MAP2K4: variants seen among roughly 807,000 people sequenced by gnomAD.
MAP2K4 encodes the protein dual specificity mitogen-activated protein kinase kinase 4.
Under a neutral mutation model 48.5 loss-of-function variants are expected in MAP2K4, and 4 were observed. That is an observed-to-expected ratio of 0.08 (90% CI 0.04 to 0.19). The LOEUF (loss-of-function observed/expected upper bound fraction) is 0.19, where lower values mean the gene tolerates loss of function less well. Among genes scored for constraint, MAP2K4 ranks in the 10% least tolerant of loss-of-function variants. MAP2K4 has a pLI of 1.00. For synonymous variants in MAP2K4, 166 were observed against 173.1 expected, an observed-to-expected ratio of 0.96 and a Z score of 0.32; for missense variants, 258 against 493.3, an observed-to-expected ratio of 0.52 and a Z score of 4.52.
chr17:12,084,403 C>T (rs1434246021), intron 3 of MAP2K4, among the ~76,000 whole-genome samples: 4 of 152,070 alleles, frequency 2.6e-5, no homozygotes, highest in African/African-American at 7.2e-5. Context: ...GTCTTGCTCT[C>T]CTGTGAGTGG....
At chr17:12,052,121 A>G (rs1410744568) in intron 1 of MAP2K4, among the ~76,000 whole-genome samples, 1 of 152,226 alleles carries the variant, frequency 6.6e-6, no homozygotes, top group African/African-American at 2.4e-5. Flanking sequence ...GATGAGACCC[A>G]GCAAGGTAAC....
At chr17:12,076,857 T>TTGTGTGTG (rs57224781) in intron 2 of MAP2K4, among the ~76,000 whole-genome samples, 4 of 150,822 alleles carry the variant, frequency 2.7e-5, no homozygotes, top group Admixed American at 6.6e-5. Context: ...TGTTTGTATT[T>TTGTGTGTG]TGTGTGTGTG....
chr17:12,061,746 C>T (rs1038253866), intron 2 of MAP2K4, among the ~76,000 whole-genome samples: 2 of 152,124 alleles, frequency 1.3e-5, no homozygotes, highest in Non-Finnish European at 2.9e-5. Flanking sequence ...GATGAGTTTT[C>T]CAACCATTTC....
At chr17:12,136,467 A>G (rs781281573) in intron 9 of MAP2K4, among the ~76,000 whole-genome samples, 2 of 152,240 alleles carry the variant, frequency 1.3e-5, no homozygotes, top group East Asian at 3.8e-4. Flanking sequence ...AGCTCTCCCA[A>G]TAAAACTTTT....
chr17:12,126,047 T>C (rs1484050531), intron 8 of MAP2K4, among the ~76,000 whole-genome samples: 2 of 152,052 alleles, frequency 1.3e-5, no homozygotes, highest in African/African-American at 4.8e-5. Flanking sequence ...CCAGGTCTCA[T>C]GAGAACTCTA....
At position 12,020,932 on chromosome 17, in the gene MAP2K4, A is replaced by G. The variant is rs17855590; in HGVS notation, c.46A>G (p.Ser16Gly). 2 of 1,143,934 alleles carry G rather than the reference A, an allele frequency of 1.7e-6. No homozygotes were observed. Among genetic ancestry groups the G allele is most frequent in the Non-Finnish European group, 2.1e-6 (2 of 935,586 alleles). The allele number at this position is 1,143,934 out of a possible 1,614,324, so 70.9% of individuals were successfully genotyped here. ...CGGCGGCGGCGGCTCCGGGGGCGGC[A>G]GCGGCAGCGGCACCCCCGGCCCCGT... is the stretch of plus-strand genomic sequence containing the variant. ...PSGGGGSGGG[S>G]GSGTPGPVGS... Residue 16 changes from serine (S) to glycine (G), a missense_variant, in exon 1 of 11, where the codon AGC (serine) becomes GGC (glycine). Ser to Gly is a moderately conservative substitution (Grantham distance 56). Transcript: ENST00000353533.
chr17:12,091,364 G>A lies in MAP2K4; in HGVS notation c.394-4211G>A, dbSNP rs951718309. On this transcript the variant is annotated intron_variant, in intron 3 of 10. Coordinates refer to ENST00000353533, the MANE Select transcript of MAP2K4 (RefSeq NM_003010.4). ...TGGGACTGTTCACCAAGTGGATGTT[G>A]CTGTGTTTTGTGACGAGATGGAGTA... Among the ~76,000 whole-genome samples the A allele has an allele frequency of 3.9e-5, 6 of 152,194 alleles. No individual in the cohort carries two copies. The South Asian group carries it at 1.0e-3, about 26-fold the overall frequency.
chr17:12,050,053 A>G (rs1054631122), intron 1 of MAP2K4, among the ~76,000 whole-genome samples: 10 of 152,218 alleles, frequency 6.6e-5, no homozygotes, highest in South Asian at 6.2e-4. Context: ...GTGGAGTTGA[A>G]GATATGCAGA....
At chr17:12,129,015 C>G in intron 8 of MAP2K4, 124 bp from the exon 9 acceptor site, 1 of 782,354 alleles carries the variant, frequency 1.3e-6, no homozygotes, top group Non-Finnish European at 2.0e-6. Context: ...CCCAAGCTAA[C>G]CTGTGTTTAA....
rs150828456 is a variant in MAP2K4, at chr17:12,096,593, G to A, written c.513+899G>A. 2.9e-3 allele frequency among the ~76,000 whole-genome samples: 444 copies of A among 152,276 alleles called. 2 individuals carry two copies. Among genetic ancestry groups the A allele is most frequent in the Non-Finnish European group, 4.4e-3 (301 of 68,022 alleles). On this transcript the variant is annotated intron_variant, in intron 4 of 10. Transcript: ENST00000353533. Reference sequence around the variant, plus strand: ...TTTGCAAATGTTAGGATGAATAACCGAGTTGTTATAAACTGGTAAGAAAAA... The same window carrying A: ...TTTGCAAATGTTAGGATGAATAACCAAGTTGTTATAAACTGGTAAGAAAAA...
intron 1 of MAP2K4, chr17:12,032,231 A>T (rs1157602169): frequency 7.8e-7 from 1 of 1,287,874 alleles, no homozygotes. Flanking sequence ...TTTGATTTAC[A>T]GTAAATGAAC....
At chr17:12,037,670 T>C (rs1969642440) in intron 1 of MAP2K4, among the ~76,000 whole-genome samples, 1 of 152,106 alleles carries the variant, frequency 6.6e-6, no homozygotes, top group Non-Finnish European at 1.5e-5. Flanking sequence ...AAATGAGACT[T>C]GTAGGATTAG....
intron 4 of MAP2K4, 119 bp downstream of exon 4, chr17:12,095,813 C>A: frequency 1.6e-6 from 2 of 1,215,590 alleles, no homozygotes; most frequent in Non-Finnish European, 2.3e-6. Flanking sequence ...ATCTCAGTAT[C>A]TTAGTGTTTA....
At position 12,143,114 on chromosome 17, in the gene MAP2K4, C is replaced by G. The variant is rs561571491; in HGVS notation, c.*1854C>G. ...CCTAAACTTTAGACTTCCCACTGTT[C>G]TGAAAGGAGACATTGCTCTATGTCT... is the stretch of plus-strand genomic sequence containing the variant. On this transcript the variant is annotated 3_prime_UTR_variant, in exon 11 of 11. Coordinates refer to ENST00000353533, the MANE Select transcript of MAP2K4 (RefSeq NM_003010.4). 1.7e-5 allele frequency: 4 copies of G among 233,078 alleles called. No homozygotes were observed. The highest frequency in any genetic ancestry group is 6.6e-5 in the African/African-American group (3 of 45,454). The allele number at this position is 233,078 out of a possible 1,614,324, so 14.4% of individuals were successfully genotyped here.
chr17:12,116,241 A>C (rs1028854013), intron 7 of MAP2K4, among the ~76,000 whole-genome samples: 1 of 152,208 alleles, frequency 6.6e-6, no homozygotes, highest in Non-Finnish European at 1.5e-5. Flanking sequence ...AAATCTAAAA[A>C]AATATGGTAT....
rs912655032 is a variant in MAP2K4 at position 12,143,246 on chromosome 17, C to G, written c.*1986C>G. The G allele has an allele frequency of 1.3e-5, 3 of 232,732 alleles. No individual in the cohort carries two copies. The highest frequency in any genetic ancestry group is 2.6e-5 in the Non-Finnish European group (3 of 117,556). 14.4% of individuals were successfully genotyped at this position (232,732 alleles called of 1,614,324 possible). On this transcript the variant is annotated 3_prime_UTR_variant, in exon 11 of 11. Coordinates refer to ENST00000353533, the MANE Select transcript of MAP2K4 (RefSeq NM_003010.4). ...TCTGGCTCAGCATAGGGTCACTTTGCCATTATGCAAATGGAGATAAAAGCA... is the reference window on the plus strand; with the variant it reads ...TCTGGCTCAGCATAGGGTCACTTTGGCATTATGCAAATGGAGATAAAAGCA...
chr17:12,020,919 C>G lies in MAP2K4; in HGVS notation c.33C>G (p.Gly11=), dbSNP rs1326608821. 5.8e-6 allele frequency: 7 copies of G among 1,211,234 alleles called. 1 individual carries two copies. The South Asian group carries it at 2.1e-4, about 36-fold the overall frequency. The allele number at this position is 1,211,234 out of a possible 1,614,324, so 75.0% of individuals were successfully genotyped here. The change falls in exon 1 of 11, where the codon GGC becomes GGG. Residue 11 remains glycine, a synonymous_variant. Coordinates refer to ENST00000353533, the MANE Select transcript of MAP2K4 (RefSeq NM_003010.4). The part of the protein sequence containing the change: MAAPSPSGGG[G]SGGGSGSGTP... The stretch of plus-strand genomic sequence containing the variant: ...CTCCGAGCCCGAGCGGCGGCGGCGG[C>G]TCCGGGGGCGGCAGCGGCAGCGGCA...
intron 1 of MAP2K4, chr17:12,032,438 C>T (rs1445289280): frequency 2.5e-6 from 1 of 407,536 alleles, no homozygotes; most frequent in Admixed American, 4.3e-5. Flanking sequence ...ATTCTTCTTC[C>T]AAATATTAAA....
chr17:12,081,615 T>C lies in MAP2K4; in HGVS notation c.393+85T>C. 1 of 1,371,586 alleles carries C rather than the reference T, an allele frequency of 7.3e-7. No individual in the cohort carries two copies. Among genetic ancestry groups the C allele is most frequent in the Non-Finnish European group, 1.0e-6 (1 of 992,072 alleles). 85.0% of individuals were successfully genotyped at this position (1,371,586 alleles called of 1,614,324 possible). A position where few individuals can be genotyped will look rare whatever the true frequency, so the allele number is the denominator to read the frequency against. On this transcript the variant is annotated intron_variant, in intron 3 of 10. Transcript: ENST00000353533. The surrounding 1 kb of genome is among the most constrained non-coding windows in gnomAD (Gnocchi z 4.2). ...AGTAATACCACTGTTGTTGTGTTCC[T>C]ACTTTTGTGGTAAATGTGGGTGTTT...
Sources: gnomAD v4.1 joint callset for allele counts (sites outside exome capture counted in the v4.1 genomes callset) on GRCh38, gnomAD v4.1.1 for gene constraint, Gnocchi (gnomAD v3.1) non-coding constraint, MANE v1.5 for transcripts, NCBI Gene and HGNC (gene_info 2026-07-23, HGNC 2026-07-21) for gene names.